COL11A2: variants seen among roughly 807,000 people sequenced by gnomAD.
COL11A2 encodes the protein collagen alpha-2(XI) chain.
COL11A2 carries 116 observed loss-of-function variants against 273.4 expected under a neutral mutation model. That is an observed-to-expected ratio of 0.42 (90% CI 0.36 to 0.49). The LOEUF (loss-of-function observed/expected upper bound fraction) is 0.49. Among genes scored for constraint, COL11A2 ranks in the 20% least tolerant of loss-of-function variants. COL11A2 has a pLI of 0.00. For synonymous variants in COL11A2, 782 were observed against 864.2 expected (o/e 0.90, Z 1.67); for missense variants, 1,866 against 2,309.0 (o/e 0.81, Z 3.93).
intron 30 of COL11A2, 58 bp downstream of exon 30, chr6:33,175,516 C>A: frequency 6.8e-7 from 1 of 1,479,354 alleles, no homozygotes; most frequent in Non-Finnish European, 9.4e-7. Context: ...CCATGCCCAT[C>A]CTGACCCCAG....
Position 33,166,155 on chromosome 6 carries a change from G to C in COL11A2, c.4428+16C>G. Reference sequence around the variant, plus strand: ...AGGGGGTGGAGCAAAGGTCAGAGCTGAAGGGGGTCACTCACTGTGGCTCCT... The same window carrying C: ...AGGGGGTGGAGCAAAGGTCAGAGCTCAAGGGGGTCACTCACTGTGGCTCCT... On this transcript the variant is annotated intron_variant, in intron 61 of 65. Coordinates refer to ENST00000341947, the MANE Select transcript of COL11A2 (RefSeq NM_080680.3). The surrounding 1 kb of genome is among the most constrained non-coding windows in gnomAD (Gnocchi z 4.8). The C allele has an allele frequency of 6.2e-7, 1 of 1,608,622 alleles. No homozygotes were observed. The highest frequency in any genetic ancestry group is 8.5e-7 in the Non-Finnish European group (1 of 1,177,970).
In COL11A2 at chr6:33,171,154, G is replaced by C; in HGVS notation, c.3326C>G (p.Pro1109Arg). 6.2e-7 allele frequency: 1 copy of C among 1,602,446 alleles called. No homozygotes were observed. The highest frequency in any genetic ancestry group is 8.5e-7 in the Non-Finnish European group (1 of 1,173,828). Residue 1109 changes from proline (P) to arginine (R), a missense_variant, in exon 45 of 66, where the codon CCC (proline) becomes CGC (arginine). By Grantham distance (103) the Pro-to-Arg change is moderately radical. Transcript: ENST00000341947. ...CCCCACAGGACCAATGGGTCCAGGG[G>C]GTCCAGGAGGGCCCTGGGTAAGAGA... ...GNKGEHGPPG[P>R]PGPIGPVGQP...
chr6:33,166,769 T>A lies in COL11A2; in HGVS notation c.4289A>T (p.Asp1430Val), dbSNP rs1328221113. 6.2e-7 allele frequency: 1 copy of A among 1,613,330 alleles called. No homozygotes were observed. Among genetic ancestry groups the A allele is most frequent in the Admixed American group, 1.7e-5 (1 of 60,014 alleles). The part of the protein sequence containing the change: ...GPPGEQGEKG[D>V]RGLPGPQGSP... The stretch of plus-strand genomic sequence containing the variant: ...GCCCTGAGGCCCAGGAAGTCCCCGA[T>A]CTCCCTTCTCTCCCTGCTCACCCGG... The change falls in exon 59 of 66, where the codon GAT (aspartate) becomes GTT (valine). Residue 1430 changes from aspartate to valine, a missense_variant. Physicochemically the swap from Asp to Val is radical, Grantham distance 152. Coordinates refer to ENST00000341947, the MANE Select transcript of COL11A2 (RefSeq NM_080680.3). This position sits in a 1 kb window ranked among gnomAD's most constrained non-coding sequence, Gnocchi z 4.8.
chr6:33,192,342 A>C lies in COL11A2; in HGVS notation c.-102T>G, dbSNP rs962649407. ...ACAGGGAGCAGACTATGAGCCTCAGACGCCGGGGTCCCAGGGAGGTCAGAG... is the reference window on the plus strand; with the variant it reads ...ACAGGGAGCAGACTATGAGCCTCAGCCGCCGGGGTCCCAGGGAGGTCAGAG... On this transcript the variant is annotated 5_prime_UTR_variant, in exon 1 of 66. Transcript: ENST00000341947. The C allele has an allele frequency of 8.5e-7, 1 of 1,177,012 alleles. No individual in the cohort carries two copies. The highest frequency in any genetic ancestry group is 1.2e-6 in the Non-Finnish European group (1 of 816,334). 72.9% of individuals were successfully genotyped at this position (1,177,012 alleles called of 1,614,324 possible).
Position 33,167,270 on chromosome 6 carries a change from A to G in COL11A2, c.4170T>C (p.Gly1390=), listed in dbSNP as rs931440799. Reference sequence around the variant, plus strand: ...CCCAATCCCAGTCACTCACCACAGGACCTGGGGGCCCAGCCTGGCCTGTAG... The same window carrying G: ...CCCAATCCCAGTCACTCACCACAGGGCCTGGGGGCCCAGCCTGGCCTGTAG... ...PGATGQAGPP[G]PVGPPGLPGL... Residue 1390 remains glycine, a synonymous_variant, in exon 57 of 66, where the codon GGT becomes GGC. Coordinates refer to ENST00000341947, the MANE Select transcript of COL11A2 (RefSeq NM_080680.3). This position sits in a 1 kb window ranked among gnomAD's most constrained non-coding sequence, Gnocchi z 6.1. 1 of 1,613,864 alleles carries G rather than the reference A, an allele frequency of 6.2e-7. No individual in the cohort carries two copies. The highest frequency in any genetic ancestry group is 1.7e-5 in the Admixed American group (1 of 60,014).
Position 33,174,588 on chromosome 6 carries a change from G to T in COL11A2, c.2377-8C>A, listed in dbSNP as rs766542408. 6.2e-7 allele frequency: 1 copy of T among 1,611,810 alleles called. No homozygotes were observed. Reference sequence around the variant, plus strand: ...AGGAACACCCAGCTTGCCCTGTGGAGGGACAGGAAGCAGTTAGGAGTGAGA... The same window carrying T: ...AGGAACACCCAGCTTGCCCTGTGGATGGACAGGAAGCAGTTAGGAGTGAGA... On this transcript the variant is annotated splice_region_variant and splice_polypyrimidine_tract_variant and intron_variant, in intron 30 of 65. Transcript: ENST00000341947.
intron 8 of COL11A2, 103 bp downstream of exon 8, chr6:33,184,042 G>T: frequency 9.7e-7 from 1 of 1,030,376 alleles, no homozygotes; most frequent in Non-Finnish European, 1.4e-6. Context: ...GTCACAGATG[G>T]GAAATAGCTC....
In COL11A2 at chr6:33,163,413, G is replaced by C. The variant is rs563784442; in HGVS notation, c.*265C>G. 3.5e-6 allele frequency: 2 copies of C among 570,874 alleles called. No individual in the cohort carries two copies. Among genetic ancestry groups the C allele is most frequent in the Admixed American group, 3.0e-5 (1 of 33,040 alleles). The allele number at this position is 570,874 out of a possible 1,614,324, so 35.4% of individuals were successfully genotyped here. ...TCCATTTGTTTGGGGTGATTGGGAGGTGAGTTTTAAATAAGGGTCTCAGCT... is the reference window on the plus strand; with the variant it reads ...TCCATTTGTTTGGGGTGATTGGGAGCTGAGTTTTAAATAAGGGTCTCAGCT... On this transcript the variant is annotated 3_prime_UTR_variant, in exon 66 of 66. Transcript: ENST00000341947. This position sits in a 1 kb window ranked among gnomAD's most constrained non-coding sequence, Gnocchi z 4.1.
rs778295133 is a variant in COL11A2, at chr6:33,186,797, T to C, written c.628A>G (p.Ile210Val). Residue 210 changes from isoleucine to valine, a missense_variant, in exon 5 of 66, where the codon ATT becomes GTT. Physicochemically the swap from Ile to Val is conservative, Grantham distance 29. Transcript: ENST00000341947. ...TAGGCTGCCTGGACCCCTGGGACAATGGCCAGCTCCTGGACATCACCCTGC... is the reference window on the plus strand; with the variant it reads ...TAGGCTGCCTGGACCCCTGGGACAACGGCCAGCTCCTGGACATCACCCTGC... ...VFEGDVQELA[I>V]VPGVQAAYES... The C allele has an allele frequency of 1.6e-5, 26 of 1,613,926 alleles. No homozygotes were observed. The highest frequency in any genetic ancestry group is 6.7e-5 in the African/African-American group (5 of 74,864).
Position 33,192,351 on chromosome 6 carries a change from TC to T in COL11A2, c.-112del. 1 of 1,106,348 alleles carries T rather than the reference TC, an allele frequency of 9.0e-7. No individual in the cohort carries two copies. The highest frequency in any genetic ancestry group is 1.3e-6 in the Non-Finnish European group (1 of 753,416). 68.5% of individuals were successfully genotyped at this position (1,106,348 alleles called of 1,614,324 possible). ...AGACTATGAGCCTCAGACGCCGGGG[TC>T]CCAGGGAGGTCAGAGGCTGCGGGCA... On this transcript the variant is annotated 5_prime_UTR_variant, in exon 1 of 66. Coordinates refer to ENST00000341947, the MANE Select transcript of COL11A2 (RefSeq NM_080680.3).
rs2855420 is a variant in COL11A2, at chr6:33,179,646, C to T, written c.1446+73G>A. ...CCAAACCAACCCAGGCCTCCCCTGCCGCACACTCACTCCAGCCAACCCTTC... is the reference window on the plus strand; with the variant it reads ...CCAAACCAACCCAGGCCTCCCCTGCTGCACACTCACTCCAGCCAACCCTTC... On this transcript the variant is annotated intron_variant, in intron 13 of 65. Coordinates refer to ENST00000341947, the MANE Select transcript of COL11A2 (RefSeq NM_080680.3). The surrounding 1 kb of genome is among the most constrained non-coding windows in gnomAD (Gnocchi z 6.4). 5.7e-5 allele frequency: 90 copies of T among 1,566,868 alleles called. 1 individual carries two copies. Among genetic ancestry groups the T allele is most frequent in the South Asian group, 5.6e-4 (50 of 89,610 alleles).
chr6:33,169,068 C>G lies in COL11A2; in HGVS notation c.3799-60G>C, dbSNP rs558583907. On this transcript the variant is annotated intron_variant, in intron 51 of 65. Coordinates refer to ENST00000341947, the MANE Select transcript of COL11A2 (RefSeq NM_080680.3). The surrounding 1 kb of genome is among the most constrained non-coding windows in gnomAD (Gnocchi z 5.5). ...GCTCCCTAAGCCCACCCAGCACAGA[C>G]GCCCACAGGCACACGCCACTGCCTC... The G allele has an allele frequency of 6.6e-7, 1 of 1,507,710 alleles. No individual in the cohort carries two copies. The highest frequency in any genetic ancestry group is 1.8e-4 in the Middle Eastern group (1 of 5,654). 93.4% of individuals were successfully genotyped at this position (1,507,710 alleles called of 1,614,324 possible).
intron 6 of COL11A2, 26 bp from the exon 7 acceptor site, chr6:33,185,080 A>G: frequency 6.6e-7 from 1 of 1,522,782 alleles, no homozygotes. Context: ...GAAGGAGAAG[A>G]GTAGCACGGG....
At chr6:33,175,922 C>T (rs1270271587) in intron 29 of COL11A2, 94 bp downstream of exon 29, 2 of 1,468,538 alleles carry the variant, frequency 1.4e-6, no homozygotes, top group Admixed American at 1.7e-5. Context: ...ACTGTGGAGT[C>T]TGGAGACTCA....
chr6:33,191,849 CG>C (rs1773150406), intron 1 of COL11A2, among the ~76,000 whole-genome samples: 1 of 152,198 alleles, frequency 6.6e-6, no homozygotes, highest in Non-Finnish European at 1.5e-5. Flanking sequence ...ATGACTGGAC[CG>C]GGCTGGCCCT....
At position 33,167,862 on chromosome 6, in the gene COL11A2, G is replaced by A; in HGVS notation, c.3961-10C>T. The stretch of plus-strand genomic sequence containing the variant: ...GCGAGCCAGCAGGACCCTGCAGGTG[G>A]AGTGGGAAGGAAGAGCACATGAGGC... On this transcript the variant is annotated splice_polypyrimidine_tract_variant and intron_variant, in intron 54 of 65. Coordinates refer to ENST00000341947, the MANE Select transcript of COL11A2 (RefSeq NM_080680.3). This position sits in a 1 kb window ranked among gnomAD's most constrained non-coding sequence, Gnocchi z 6.1. The A allele has an allele frequency of 6.2e-7, 1 of 1,612,854 alleles. No individual in the cohort carries two copies. Among genetic ancestry groups the A allele is most frequent in the Non-Finnish European group, 8.5e-7 (1 of 1,179,954 alleles).
At position 33,166,930 on chromosome 6, in the gene COL11A2, G is replaced by T; in HGVS notation, c.4231-103C>A. ...AGAGGGAGCCGGGCACAGGGTCCGT[G>T]AGTGGCCCTCACTGAGCAGGGACTC... On this transcript the variant is annotated intron_variant, in intron 58 of 65. Transcript: ENST00000341947. This position sits in a 1 kb window ranked among gnomAD's most constrained non-coding sequence, Gnocchi z 4.8. The T allele has an allele frequency of 6.6e-7, 1 of 1,507,332 alleles. No homozygotes were observed. Among genetic ancestry groups the T allele is most frequent in the Non-Finnish European group, 9.1e-7 (1 of 1,098,896 alleles). The allele number at this position is 1,507,332 out of a possible 1,614,324, so 93.4% of individuals were successfully genotyped here.
chr6:33,189,905 T>C lies in COL11A2; in HGVS notation c.83-436A>G, dbSNP rs921100238. Among the ~76,000 whole-genome samples, 6 of 152,268 alleles carry C rather than the reference T, an allele frequency of 3.9e-5. No individual in the cohort carries two copies. In the South Asian group the frequency reaches 1.0e-3, roughly 26 times the overall value. On this transcript the variant is annotated intron_variant, in intron 1 of 65. Transcript: ENST00000341947. This position sits in a 1 kb window ranked among gnomAD's most constrained non-coding sequence, Gnocchi z 5.6. ...ATTTCTCTCACATTCTGTCCATCTTTTTCTCTCCCTCGCTCTCACTCTCTT... is the reference window on the plus strand; with the variant it reads ...ATTTCTCTCACATTCTGTCCATCTTCTTCTCTCCCTCGCTCTCACTCTCTT...
rs1482078538 is a variant in COL11A2 at position 33,164,507 on chromosome 6, G to A, written c.4864-34C>T. 5 of 1,488,328 alleles carry A rather than the reference G, an allele frequency of 3.4e-6. No homozygotes were observed. Among genetic ancestry groups the A allele is most frequent in the Non-Finnish European group, 3.6e-6 (4 of 1,107,956 alleles). The allele number at this position is 1,488,328 out of a possible 1,614,324, so 92.2% of individuals were successfully genotyped here. A position where few individuals can be genotyped will look rare whatever the true frequency, so the allele number is the denominator to read the frequency against. ...AGAGAGAGGGCTGGCCTCAGAGGGG[G>A]AGAGAGAGGGCTGGCCTCAGAGGGA... On this transcript the variant is annotated intron_variant, in intron 64 of 65. Coordinates refer to ENST00000341947, the MANE Select transcript of COL11A2 (RefSeq NM_080680.3). The surrounding 1 kb of genome is among the most constrained non-coding windows in gnomAD (Gnocchi z 4.7).
Sources: gnomAD v4.1 joint callset for allele counts (sites outside exome capture counted in the v4.1 genomes callset) on GRCh38, gnomAD v4.1.1 for gene constraint, Gnocchi (gnomAD v3.1) non-coding constraint, MANE v1.5 for transcripts, NCBI Gene and HGNC (gene_info 2026-07-23, HGNC 2026-07-21) for gene names.